AP3B2: variants seen among roughly 807,000 people sequenced by gnomAD.
AP3B2 encodes the protein adaptor related protein complex 3 subunit beta 2, also known as AP-3 complex subunit beta-2.
AP3B2 carries 50 observed loss-of-function variants against 126.9 expected under a neutral mutation model. That is an observed-to-expected ratio of 0.39 (90% CI 0.31 to 0.50). AP3B2 has a LOEUF of 0.50. Ranked by LOEUF, AP3B2 falls within the 20% of genes least tolerant of loss-of-function variation. AP3B2 has a pLI of 0.79. For synonymous variants in AP3B2, 541 were observed against 565.0 expected, an observed-to-expected ratio of 0.96 and a Z score of 0.60; for missense variants, 1,177 against 1,426.4, an observed-to-expected ratio of 0.83 and a Z score of 2.82.
In AP3B2 at chr15:82,680,470, A is replaced by G; in HGVS notation, c.1055+2T>C. On this transcript the variant is annotated splice_donor_variant, in intron 8 of 26. Coordinates refer to ENST00000535359, the MANE Select transcript of AP3B2 (RefSeq NM_001278512.2). LOFTEE classifies it high-confidence loss of function. The surrounding 1 kb of genome is among the most constrained non-coding windows in gnomAD (Gnocchi z 6.1). ...GGGGGCGGGGCTGGGGGCGGAGCGC[A>G]CCTGTGGCTGCGCAGCAGGCGCACC... 6.7e-7 allele frequency: 1 copy of G among 1,494,536 alleles called. No individual in the cohort carries two copies. The highest frequency in any genetic ancestry group is 8.9e-7 in the Non-Finnish European group (1 of 1,124,872). 92.6% of individuals were successfully genotyped at this position (1,494,536 alleles called of 1,614,324 possible).
At chr15:82,677,434 C>T in intron 12 of AP3B2, 51 bp from the exon 13 acceptor site, 1 of 1,535,936 alleles carries the variant, frequency 6.5e-7, no homozygotes, top group Non-Finnish European at 8.9e-7. Flanking sequence ...GATGGCCACA[C>T]TCAGGTGGAC....
rs1289163025 is a variant in AP3B2, at chr15:82,677,269, C to A, written c.1488+5G>T. 3 of 1,606,682 alleles carry A rather than the reference C, an allele frequency of 1.9e-6. No homozygotes were observed. The highest frequency in any genetic ancestry group is 2.6e-6 in the Non-Finnish European group (3 of 1,175,368). Reference sequence around the variant, plus strand: ...TGGGGAGTGAAAATATGGCTTCTCCCTCACCTGGATGTTGTCTGTAAGCTT... The same window carrying A: ...TGGGGAGTGAAAATATGGCTTCTCCATCACCTGGATGTTGTCTGTAAGCTT... On this transcript the variant is annotated splice_donor_5th_base_variant and intron_variant, in intron 13 of 26. Coordinates refer to ENST00000535359, the MANE Select transcript of AP3B2 (RefSeq NM_001278512.2).
intron 1 of AP3B2, among the ~76,000 whole-genome samples, chr15:82,691,080 G>A (rs2048523807): frequency 6.6e-6 from 1 of 152,188 alleles, no homozygotes; most frequent in Non-Finnish European, 1.5e-5. Flanking sequence ...ACGTGTGCAT[G>A]TGTCTTTATA....
rs1045532537 is a variant in AP3B2 at position 82,665,843 on chromosome 15, C to T, written c.1853-268G>A. ...AGGTGGGCAGGAGGAGACTCTGGGCCCACAGATGCTGCCGACCTGTCTGCT... is the reference window on the plus strand; with the variant it reads ...AGGTGGGCAGGAGGAGACTCTGGGCTCACAGATGCTGCCGACCTGTCTGCT... On this transcript the variant is annotated intron_variant, in intron 15 of 26. Transcript: ENST00000535359. This position sits in a 1 kb window ranked among gnomAD's most constrained non-coding sequence, Gnocchi z 4.4. Among the ~76,000 whole-genome samples the T allele has an allele frequency of 6.6e-6, 1 of 152,120 alleles. No homozygotes were observed. The highest frequency in any genetic ancestry group is 1.9e-4 in the East Asian group (1 of 5,186).
intron 1 of AP3B2, among the ~76,000 whole-genome samples, chr15:82,708,279 C>T (rs570720255): frequency 1.3e-5 from 2 of 151,226 alleles, no homozygotes; most frequent in Admixed American, 1.3e-4. Flanking sequence ...TCCTGTAAAA[C>T]GGTCCCACCC....
At position 82,663,120 on chromosome 15, in the gene AP3B2, C is replaced by T. The variant is rs2047983773; in HGVS notation, c.2604+7G>A. On this transcript the variant is annotated splice_region_variant and intron_variant, in intron 22 of 26. Transcript: ENST00000535359. ...CCCAGCCCGGTCCCCTCCTCCATCC[C>T]ACTCACCGACGGTACCAGGGTGGAG... 6.2e-7 allele frequency: 1 copy of T among 1,604,632 alleles called. No individual in the cohort carries two copies. The highest frequency in any genetic ancestry group is 1.1e-5 in the South Asian group (1 of 89,310).
At chr15:82,662,612 C>T in intron 23 of AP3B2, 82 bp downstream of exon 23, 1 of 1,359,594 alleles carries the variant, frequency 7.4e-7, no homozygotes. Flanking sequence ...CCTGGCCTGG[C>T]ACAAGGAGGG....
intron 13 of AP3B2, 115 bp from the exon 14 acceptor site, chr15:82,676,752 T>G: frequency 9.3e-7 from 1 of 1,079,742 alleles, no homozygotes; most frequent in Non-Finnish European, 1.3e-6. Flanking sequence ...GTATTATGGG[T>G]TCTCTGGAAA....
At chr15:82,674,474 C>T (rs2048210946) in intron 14 of AP3B2, among the ~76,000 whole-genome samples, 2 of 152,212 alleles carry the variant, frequency 1.3e-5, no homozygotes. Flanking sequence ...ACTCTGGGTT[C>T]CCTGACAGGG....
At chr15:82,690,892 G>A (rs774309462) in intron 1 of AP3B2, among the ~76,000 whole-genome samples, 4 of 116,326 alleles carry the variant, frequency 3.4e-5, no homozygotes, top group Non-Finnish European at 7.9e-5. Context: ...TCCTGACCTC[G>A]TGATCTACCC....
chr15:82,675,094 T>C (rs1171504571), intron 14 of AP3B2, among the ~76,000 whole-genome samples: 1 of 152,192 alleles, frequency 6.6e-6, no homozygotes, highest in Non-Finnish European at 1.5e-5. Context: ...AGTATACAAA[T>C]ATTTTTTCAA....
Position 82,665,258 on chromosome 15 carries a change from C to T in AP3B2, c.2017G>A (p.Glu673Lys), listed in dbSNP as rs557317564. Residue 673 changes from glutamate to lysine, a missense_variant, in exon 17 of 27, where the codon GAA (glutamate) becomes AAA (lysine). By Grantham distance (56) the Glu-to-Lys change is moderately conservative. Coordinates refer to ENST00000535359, the MANE Select transcript of AP3B2 (RefSeq NM_001278512.2). The surrounding 1 kb of genome is among the most constrained non-coding windows in gnomAD (Gnocchi z 4.4). Reference sequence around the variant, plus strand: ...CACGAAGGTGGGACCTCAGTGTATTCGCCCAACAGGCCCACGTGAGTCTCA... The same window carrying T: ...CACGAAGGTGGGACCTCAGTGTATTTGCCCAACAGGCCCACGTGAGTCTCA... ...LIETHVGLLG[E>K]YTEVPEWTKC... 3.2e-5 allele frequency: 49 copies of T among 1,539,612 alleles called. No homozygotes were observed. Among genetic ancestry groups the T allele is most frequent in the Admixed American group, 1.6e-4 (8 of 51,124 alleles).
At chr15:82,670,569 A>G (rs2048139687) in intron 14 of AP3B2, among the ~76,000 whole-genome samples, 1 of 152,248 alleles carries the variant, frequency 6.6e-6, no homozygotes, top group Non-Finnish European at 1.5e-5. Flanking sequence ...TGGATTAAAA[A>G]CTTAAATCTA....
chr15:82,705,719 C>A (rs1016923583), intron 1 of AP3B2, among the ~76,000 whole-genome samples: 3 of 152,134 alleles, frequency 2.0e-5, no homozygotes, highest in African/African-American at 7.2e-5. Flanking sequence ...ACGTGCTCTC[C>A]CTGCTGATCA....
chr15:82,700,415 T>TTTTTTTTTTTC (rs58240249), intron 1 of AP3B2, among the ~76,000 whole-genome samples: 1 of 133,190 alleles, frequency 7.5e-6, no homozygotes, highest in Non-Finnish European at 1.6e-5. Flanking sequence ...TTTTTTTTTT[T>TTTTTTTTTTTC]CAGATGGAGT....
At position 82,681,533 on chromosome 15, in the gene AP3B2, G is replaced by A; in HGVS notation, c.408C>T (p.Ser136=). The A allele has an allele frequency of 6.2e-7, 1 of 1,613,962 alleles. No homozygotes were observed. The highest frequency in any genetic ancestry group is 8.5e-7 in the Non-Finnish European group (1 of 1,179,888). ...TGGGCACTATGATGGGCACACGGAT[G>A]CTAGAGAGGACACGGAGGGCACTGG... The part of the protein sequence containing the change: ...IRASALRVLS[S]IRVPIIVPIM... The change falls in exon 5 of 27, where the codon AGC becomes AGT. Residue 136 remains serine, a synonymous_variant. Transcript: ENST00000535359. The surrounding 1 kb of genome is among the most constrained non-coding windows in gnomAD (Gnocchi z 4.0).
In AP3B2 at chr15:82,662,768, G is replaced by T. The variant is rs2047975178; in HGVS notation, c.2759C>A (p.Thr920Asn). The T allele has an allele frequency of 8.1e-6, 13 of 1,613,870 alleles. No homozygotes were observed. The highest frequency in any genetic ancestry group is 8.5e-6 in the Non-Finnish European group (10 of 1,179,834). The change falls in exon 23 of 27, where the codon ACC becomes AAC. Residue 920 changes from threonine to asparagine, a missense_variant. Thr to Asn is a moderately conservative substitution (Grantham distance 65). Around this residue, in one of 5 missense-constraint regions of AP3B2, gnomAD observed 587 missense variants for 571.3 expected, o/e 1.03. Transcript: ENST00000535359. ...GCCCACATGCAGGCCCTTGATGGGG[G>T]TATCAGAGCTGTTGGAGAAGTGGAT... is the stretch of plus-strand genomic sequence containing the variant. ...VHIHFSNSSD[T>N]PIKGLHVGTP...
rs769941994 is a variant in AP3B2, at chr15:82,680,250, A to G, written c.1056-21T>C. ...CCTCACTGCGGAGAGGACGGGTCAG[A>G]GCACCCCGGGCCCCTCGGTTGGGGC... On this transcript the variant is annotated intron_variant, in intron 8 of 26. Coordinates refer to ENST00000535359, the MANE Select transcript of AP3B2 (RefSeq NM_001278512.2). This position sits in a 1 kb window ranked among gnomAD's most constrained non-coding sequence, Gnocchi z 6.1. 1 of 1,613,334 alleles carries G rather than the reference A, an allele frequency of 6.2e-7. No individual in the cohort carries two copies. The highest frequency in any genetic ancestry group is 8.5e-7 in the Non-Finnish European group (1 of 1,179,698).
In AP3B2 at chr15:82,709,854, G is replaced by C. The variant is rs1329656664; in HGVS notation, c.-148C>G. 1.1e-5 allele frequency: 6 copies of C among 535,890 alleles called. No individual in the cohort carries two copies. Among genetic ancestry groups the C allele is most frequent in the African/African-American group, 2.0e-5 (1 of 50,154 alleles). The allele number at this position is 535,890 out of a possible 1,614,324, so 33.2% of individuals were successfully genotyped here. ...AGCAGAGGCTGCAGTGTGCAGCGGC[G>C]GAGGCTGCGCGCGGATTTCTCAATC... On this transcript the variant is annotated 5_prime_UTR_variant, in exon 1 of 27. Coordinates refer to ENST00000535359, the MANE Select transcript of AP3B2 (RefSeq NM_001278512.2).
Sources: gnomAD v4.1 joint callset for allele counts (sites outside exome capture counted in the v4.1 genomes callset) on GRCh38, gnomAD v4.1.1 for gene constraint, gnomAD v4.1.1 regional missense constraint, Gnocchi (gnomAD v3.1) non-coding constraint, MANE v1.5 for transcripts, NCBI Gene and HGNC (gene_info 2026-07-23, HGNC 2026-07-21) for gene names.